CAMTA1: variants seen among roughly 807,000 people sequenced by gnomAD.
The protein encoded by CAMTA1 is calmodulin-binding transcription activator 1.
A neutral mutation model predicts 170.9 loss-of-function variants in CAMTA1; 27 were observed. That is an observed-to-expected ratio of 0.16 (90% CI 0.12 to 0.22). The LOEUF (loss-of-function observed/expected upper bound fraction) is 0.22. Among genes scored for constraint, CAMTA1 ranks in the 10% least tolerant of loss-of-function variants. CAMTA1 has a pLI of 1.00. For synonymous variants in CAMTA1, 833 were observed against 891.5 expected (o/e 0.93, Z 1.17); for missense variants, 1,619 against 2,217.2 (o/e 0.73, Z 5.42).
rs895586448 is a variant in CAMTA1 at position 7,491,574 on chromosome 1, A to G, written c.510+23673A>G. On this transcript the variant is annotated intron_variant, in intron 6 of 22. Coordinates refer to ENST00000303635, the MANE Select transcript of CAMTA1 (RefSeq NM_015215.4). ...GGGCGGGGAAAAAGGCAGAGCGTTA[A>G]ATAATTACAAGCACTTCGGTGATTT... 2.6e-4 allele frequency among the ~76,000 whole-genome samples: 40 copies of G among 152,206 alleles called. 1 individual carries two copies. Among genetic ancestry groups the G allele is most frequent in the African/African-American group, 9.6e-4 (40 of 41,458 alleles).
At position 7,534,124 on chromosome 1, in the gene CAMTA1, C is replaced by T. The variant is rs2094522687; in HGVS notation, c.510+66223C>T. 6.6e-6 allele frequency among the ~76,000 whole-genome samples: 1 copy of T among 152,180 alleles called. No individual in the cohort carries two copies. The highest frequency in any genetic ancestry group is 1.9e-4 in the East Asian group (1 of 5,194). On this transcript the variant is annotated intron_variant, in intron 6 of 22. Coordinates refer to ENST00000303635, the MANE Select transcript of CAMTA1 (RefSeq NM_015215.4). This position sits in a 1 kb window ranked among gnomAD's most constrained non-coding sequence, Gnocchi z 5.6. ...TCCCATCACCGGTCACCCCGCCCGCCAGGCCCCTGGCAGCCTCATATCTGC... is the reference window on the plus strand; with the variant it reads ...TCCCATCACCGGTCACCCCGCCCGCTAGGCCCCTGGCAGCCTCATATCTGC...
chr1:7,284,064 T>C lies in CAMTA1; in HGVS notation c.438+34438T>C, dbSNP rs1009709615. The stretch of plus-strand genomic sequence containing the variant: ...TCATCTATGAGGATTAGTGAGTCAA[T>C]CACAGCCACTGTCCTTAGATCAGCC... On this transcript the variant is annotated intron_variant, in intron 5 of 22. Coordinates refer to ENST00000303635, the MANE Select transcript of CAMTA1 (RefSeq NM_015215.4). 7.0e-4 allele frequency among the ~76,000 whole-genome samples: 107 copies of C among 152,264 alleles called. 1 individual carries two copies. The highest frequency in any genetic ancestry group is 6.2e-4 in the Non-Finnish European group (42 of 68,002).
chr1:7,690,675 C>A (rs1021535726), intron 11 of CAMTA1, among the ~76,000 whole-genome samples: 8 of 152,244 alleles, frequency 5.3e-5, no homozygotes, highest in African/African-American at 1.9e-4. Context: ...CTGCCAGGAC[C>A]TGGCCATGAA....
In CAMTA1 at chr1:7,092,065, A is replaced by C. The variant is rs1473939917; in HGVS notation, c.302+694A>C. On this transcript the variant is annotated intron_variant, in intron 4 of 22. Coordinates refer to ENST00000303635, the MANE Select transcript of CAMTA1 (RefSeq NM_015215.4). This position sits in a 1 kb window ranked among gnomAD's most constrained non-coding sequence, Gnocchi z 5.0. The stretch of plus-strand genomic sequence containing the variant: ...TAGGTTTTTATTTTTGGAATGTTAC[A>C]ATCTAGAGCTTCGGAAATACATGGC... Among the ~76,000 whole-genome samples, 1 of 152,192 alleles carries C rather than the reference A, an allele frequency of 6.6e-6. No homozygotes were observed. The highest frequency in any genetic ancestry group is 2.4e-5 in the African/African-American group (1 of 41,440).
intron 4 of CAMTA1, among the ~76,000 whole-genome samples, chr1:7,217,686 T>C (rs1022457485): frequency 6.6e-5 from 10 of 152,278 alleles, no homozygotes; most frequent in African/African-American, 1.7e-4. Flanking sequence ...TCATTACCTT[T>C]AAAAATCCCT....
chr1:7,021,654 C>T (rs192720794), intron 3 of CAMTA1, among the ~76,000 whole-genome samples: 1 of 152,252 alleles, frequency 6.6e-6, no homozygotes, highest in East Asian at 1.9e-4. Context: ...CCCAGGCATG[C>T]GCATGTGTCA....
intron 4 of CAMTA1, among the ~76,000 whole-genome samples, chr1:7,218,143 T>A (rs1660081344): frequency 6.6e-6 from 1 of 152,208 alleles, no homozygotes; most frequent in South Asian, 2.1e-4. Flanking sequence ...CCTTCTAAGT[T>A]GTTTTTGAGA....
intron 5 of CAMTA1, among the ~76,000 whole-genome samples, chr1:7,292,373 C>T (rs1434717555): frequency 1.3e-5 from 2 of 152,110 alleles, no homozygotes; most frequent in Admixed American, 6.5e-5. Flanking sequence ...TTGAAGCCAC[C>T]TTGTATTTCA....
intron 3 of CAMTA1, among the ~76,000 whole-genome samples, chr1:6,964,405 G>C (rs1255073612): frequency 6.6e-6 from 1 of 152,158 alleles, no homozygotes; most frequent in East Asian, 1.9e-4. Flanking sequence ...GGCTTCTCTG[G>C]ATGTTCCATC....
At position 7,132,307 on chromosome 1, in the gene CAMTA1, C is replaced by CTCT. The variant is rs140452889; in HGVS notation, c.302+40938_302+40940dup. ...CCTTCTCCTTCAACAGAGTCTTGTT[C>CTCT]TCTTGCCCAGGCTGGAGTGCAGTGG... On this transcript the variant is annotated intron_variant, in intron 4 of 22. Coordinates refer to ENST00000303635, the MANE Select transcript of CAMTA1 (RefSeq NM_015215.4). 5.0e-3 allele frequency among the ~76,000 whole-genome samples: 758 copies of CTCT among 152,248 alleles called. 6 individuals are homozygous for CTCT. Among genetic ancestry groups the CTCT allele is most frequent in the African/African-American group, 0.017 (724 of 41,530 alleles).
chr1:7,096,946 A>G (rs1285047594), intron 4 of CAMTA1, among the ~76,000 whole-genome samples: 1 of 152,114 alleles, frequency 6.6e-6, no homozygotes, highest in Non-Finnish European at 1.5e-5. Flanking sequence ...TTTCCTTGAC[A>G]TCCCACCTCT....
intron 3 of CAMTA1, among the ~76,000 whole-genome samples, chr1:6,835,897 G>A (rs1044380610): frequency 6.6e-6 from 1 of 152,192 alleles, no homozygotes; most frequent in Admixed American, 6.5e-5. Context: ...GGGTGGCAGT[G>A]GAGAGGGCAT....
chr1:7,296,581 T>C (rs1673973333), intron 5 of CAMTA1, among the ~76,000 whole-genome samples: 1 of 152,154 alleles, frequency 6.6e-6, no homozygotes, highest in Admixed American at 6.5e-5. Context: ...TTAACAATGA[T>C]CCCAAAGTTG....
At chr1:6,939,026 C>T (rs1000377868) in intron 3 of CAMTA1, among the ~76,000 whole-genome samples, 1 of 152,200 alleles carries the variant, frequency 6.6e-6, no homozygotes, top group African/African-American at 2.4e-5. Context: ...CAGGCACAGT[C>T]CTCGCCCTGG....
chr1:6,833,132 A>G (rs1308364789), intron 3 of CAMTA1, among the ~76,000 whole-genome samples: 1 of 152,232 alleles, frequency 6.6e-6, no homozygotes, highest in Non-Finnish European at 1.5e-5. Context: ...ACTGAGGAAT[A>G]GTAAGAGAAG....
intron 4 of CAMTA1, among the ~76,000 whole-genome samples, chr1:7,199,101 T>TGGTG (rs1347579434): frequency 3.3e-5 from 5 of 152,134 alleles, no homozygotes; most frequent in African/African-American, 1.2e-4. Context: ...GCGCGGCACG[T>TGGTG]GGTGGGTACT....
intron 5 of CAMTA1, among the ~76,000 whole-genome samples, chr1:7,250,321 G>A (rs370178189): frequency 6.6e-6 from 1 of 152,218 alleles, no homozygotes; most frequent in Admixed American, 6.5e-5. Context: ...TGTCACAGCC[G>A]TAGAGGGGGA....
intron 6 of CAMTA1, among the ~76,000 whole-genome samples, chr1:7,553,793 G>GA: frequency 1.3e-5 from 2 of 151,802 alleles, no homozygotes; most frequent in South Asian, 4.1e-4. Flanking sequence ...GAGAAGGGAG[G>GA]TCGTGCTCTG....
chr1:6,896,336 TC>T (rs1675660767), intron 3 of CAMTA1, among the ~76,000 whole-genome samples: 1 of 152,168 alleles, frequency 6.6e-6, no homozygotes, highest in African/African-American at 2.4e-5. Flanking sequence ...GCGATCTGCC[TC>T]TGTGTCCTTC....
Sources: gnomAD v4.1 joint callset for allele counts (sites outside exome capture counted in the v4.1 genomes callset) on GRCh38, gnomAD v4.1.1 for gene constraint, Gnocchi (gnomAD v3.1) non-coding constraint, MANE v1.5 for transcripts, NCBI Gene and HGNC (gene_info 2026-07-23, HGNC 2026-07-21) for gene names.